The following CELF2 variants were observed in gnomAD, a reference collection of about 807,000 sequenced individuals.
The protein encoded by CELF2 is CUG triplet repeat RNA-binding protein 2.
A neutral mutation model predicts 62.6 loss-of-function variants in CELF2; 8 were observed. The ratio of observed to expected loss-of-function variants is 0.13; its 90% CI spans 0.07 to 0.23. The LOEUF (loss-of-function observed/expected upper bound fraction) is 0.23. Ranked by LOEUF, CELF2 falls within the 10% of genes least tolerant of loss-of-function variation. The pLI, the probability that CELF2 is intolerant of heterozygous loss-of-function variation, is 1.00. For synonymous variants in CELF2, 258 were observed against 250.0 expected (o/e 1.03, Z -0.30); for missense variants, 333 against 671.0 (o/e 0.50, Z 5.56).
the CELF2 span, among the ~76,000 whole-genome samples, chr10:10,545,954 G>C: frequency 6.6e-6 from 1 of 152,120 alleles, no homozygotes; most frequent in South Asian, 2.1e-4. Flanking sequence ...CCTCCTCAGA[G>C]GTGTTTAATT....
chr10:11,133,834 G>T (rs2059985843), intron 1 of CELF2, among the ~76,000 whole-genome samples: 1 of 152,148 alleles, frequency 6.6e-6, no homozygotes, highest in African/African-American at 2.4e-5. Flanking sequence ...ACAGAAGAAG[G>T]TAATTCCTCT....
At position 11,211,872 on chromosome 10, in the gene CELF2, T is replaced by C. The variant is rs551283378; in HGVS notation, c.272-5553T>C. On this transcript the variant is annotated intron_variant, in intron 2 of 12. Transcript: ENST00000633077. The surrounding 1 kb of genome is among the most constrained non-coding windows in gnomAD (Gnocchi z 4.8). Reference sequence around the variant, plus strand: ...TGTGTGTGTAACTACCATTGGCCTTTGGGGCTTTATCTTTGGAAACAGCAA... The same window carrying C: ...TGTGTGTGTAACTACCATTGGCCTTCGGGGCTTTATCTTTGGAAACAGCAA... Among the ~76,000 whole-genome samples, 5 of 151,040 alleles carry C rather than the reference T, an allele frequency of 3.3e-5. No individual in the cohort carries two copies. The highest frequency in any genetic ancestry group is 1.2e-4 in the African/African-American group (5 of 41,056).
the CELF2 span, among the ~76,000 whole-genome samples, chr10:10,575,798 T>C: frequency 6.6e-6 from 1 of 152,020 alleles, no homozygotes; most frequent in Admixed American, 6.6e-5. Context: ...AGGGGAAAAA[T>C]GGAAATTTAC....
the CELF2 span, among the ~76,000 whole-genome samples, chr10:10,551,958 T>TC: frequency 6.6e-6 from 1 of 152,128 alleles, no homozygotes; most frequent in Non-Finnish European, 1.5e-5. Context: ...TGCTTTTTTT[T>TC]CTATATTCCT....
intron 1 of CELF2, among the ~76,000 whole-genome samples, chr10:11,043,667 T>C (rs2062249842): frequency 6.6e-6 from 1 of 152,016 alleles, no homozygotes; most frequent in South Asian, 2.1e-4. Flanking sequence ...TCTCCCACAT[T>C]CTCCACATCC....
intron 1 of CELF2, among the ~76,000 whole-genome samples, chr10:10,805,783 A>G (rs998939048): frequency 5.9e-5 from 9 of 152,172 alleles, no homozygotes; most frequent in African/African-American, 2.2e-4. Context: ...TGCTCCAGGA[A>G]AAAAGAGACA....
intron 1 of CELF2, chr10:10,846,110 G>C: frequency 1.0e-6 from 1 of 985,234 alleles, no homozygotes; most frequent in Non-Finnish European, 1.2e-6. Flanking sequence ...AGTTCAAGCA[G>C]GAGTAAGCAA....
At chr10:11,184,189 C>G (rs978860370) in intron 2 of CELF2, among the ~76,000 whole-genome samples, 1 of 152,164 alleles carries the variant, frequency 6.6e-6, no homozygotes, top group Non-Finnish European at 1.5e-5. Context: ...GTATATGTGT[C>G]AAAAATCAGT....
the CELF2 span, among the ~76,000 whole-genome samples, chr10:10,538,183 G>C: frequency 6.6e-6 from 1 of 152,256 alleles, no homozygotes; most frequent in East Asian, 1.9e-4. Context: ...CAGTAGCAGG[G>C]TACTACCACT....
At chr10:11,134,662 C>G (rs1197215528) in intron 1 of CELF2, among the ~76,000 whole-genome samples, 1 of 152,188 alleles carries the variant, frequency 6.6e-6, no homozygotes, top group African/African-American at 2.4e-5. Flanking sequence ...TGCTCACAGA[C>G]CTTCAGTAAG....
Position 10,947,902 on chromosome 10 carries a change from C to T in CELF2, c.89+27903C>T, listed in dbSNP as rs544704616. Among the ~76,000 whole-genome samples, 70 of 152,270 alleles carry T rather than the reference C, an allele frequency of 4.6e-4. No individual in the cohort carries two copies. The highest frequency in any genetic ancestry group is 1.6e-3 in the African/African-American group (66 of 41,550). ...ATCCCATAGGAGCTTGAGGCAAGAA[C>T]GTCCAAGCATGGTAGAAAAATCACA... On this transcript the variant is annotated intron_variant, in intron 2 of 13. Coordinates refer to the CELF2 transcript ENST00000636488. The surrounding 1 kb of genome is among the most constrained non-coding windows in gnomAD (Gnocchi z 4.1).
At chr10:11,169,099 G>A (rs1475926608) in intron 2 of CELF2, 1 of 152,194 alleles carries the variant, frequency 6.6e-6, no homozygotes, top group Non-Finnish European at 1.5e-5. Context: ...TTAAAGTGGA[G>A]GCAGTCCTTG....
chr10:10,577,443 A>T, the CELF2 span, among the ~76,000 whole-genome samples: 2 of 151,316 alleles, frequency 1.3e-5, no homozygotes, highest in South Asian at 4.2e-4. Flanking sequence ...TTTGTTACAT[A>T]TGTATACCTG....
At chr10:10,985,066 G>C (rs994047666) in intron 2 of CELF2, among the ~76,000 whole-genome samples, 1 of 152,032 alleles carries the variant, frequency 6.6e-6, no homozygotes, top group Non-Finnish European at 1.5e-5. Flanking sequence ...AATTTCCAAA[G>C]GAACATTTTG....
intron 2 of CELF2, among the ~76,000 whole-genome samples, chr10:10,952,597 G>C (rs1031563654): frequency 5.3e-5 from 8 of 150,842 alleles, no homozygotes; most frequent in African/African-American, 2.0e-4. Context: ...TATATAAATA[G>C]ATACTTTAAC....
the CELF2 span, among the ~76,000 whole-genome samples, chr10:10,769,916 G>A: frequency 7.9e-5 from 12 of 152,174 alleles, no homozygotes; most frequent in Non-Finnish European, 1.6e-4. Flanking sequence ...GCAGTAGGGA[G>A]ACTAGACTTA....
chr10:10,511,928 T>C, the CELF2 span, among the ~76,000 whole-genome samples: 2 of 152,174 alleles, frequency 1.3e-5, no homozygotes, highest in African/African-American at 4.8e-5. Flanking sequence ...AATGCAAACA[T>C]GATATCTGTT....
chr10:10,635,669 CA>C, the CELF2 span, among the ~76,000 whole-genome samples: 1 of 152,194 alleles, frequency 6.6e-6, no homozygotes. Flanking sequence ...CAGCTCTCCT[CA>C]ATTAACAACA....
At chr10:10,808,997 T>A (rs2399573) in intron 1 of CELF2, among the ~76,000 whole-genome samples, 16,130 of 152,152 alleles carry the variant, frequency 0.11, 1,243 homozygotes, top group East Asian at 0.34. Flanking sequence ...CTGAAATGTG[T>A]CTCCCCAAAA....
Sources: allele counts gnomAD v4.1 joint callset (sites outside exome capture counted in the v4.1 genomes callset), GRCh38; gene constraint gnomAD v4.1.1; non-coding constraint Gnocchi (gnomAD v3.1); transcripts MANE v1.5; gene names NCBI Gene and HGNC (gene_info 2026-07-23, HGNC 2026-07-21).